The following RHBDF2 variants were observed in gnomAD, a reference collection of about 807,000 sequenced individuals.
The protein encoded by RHBDF2 is inactive rhomboid protein 2.
A neutral mutation model predicts 95.2 loss-of-function variants in RHBDF2; 38 were observed. That is an observed-to-expected ratio of 0.40 (90% CI 0.31 to 0.52). The LOEUF (loss-of-function observed/expected upper bound fraction) is 0.52. RHBDF2 is among the 20% of genes least tolerant of loss of function. The probability of loss-of-function intolerance (pLI) is 0.56; values close to 1 mark genes in which losing one functional copy is unlikely to be tolerated. For synonymous variants in RHBDF2, 442 were observed against 462.0 expected (o/e 0.96, Z 0.55); for missense variants, 863 against 1,137.7 (o/e 0.76, Z 3.47).
At position 76,474,296 on chromosome 17, in the gene RHBDF2, G is replaced by A. The variant is rs79790712; in HGVS notation, c.1464+77C>T. 1.1e-3 allele frequency: 1,723 copies of A among 1,524,086 alleles called. 19 individuals are homozygous for A. The African/African-American group carries it at 0.019, about 17-fold the overall frequency. The allele number at this position is 1,524,086 out of a possible 1,614,324, so 94.4% of individuals were successfully genotyped here. A position where few individuals can be genotyped will look rare whatever the true frequency, so the allele number is the denominator to read the frequency against. On this transcript the variant is annotated intron_variant, in intron 12 of 18. Transcript: ENST00000675367. ...GCGGGGAGGAGGGAACGTGGTCACT[G>A]CCCTTGAAGGACAGGGCAAGTGGAG... is the stretch of plus-strand genomic sequence containing the variant.
intron 3 of RHBDF2, 197 bp from the exon 4 acceptor site, chr17:76,480,051 G>GTGTA (rs1363176782): frequency 8.0e-4 from 32 of 39,900 alleles, no homozygotes; most frequent in Non-Finnish European, 1.3e-3. Context: ...GTTTGTATAT[G>GTGTA]TATATATATA....
chr17:76,474,157 A>G lies in RHBDF2; in HGVS notation c.1465-15T>C, dbSNP rs555264319. The G allele has an allele frequency of 2.4e-4, 378 of 1,547,946 alleles. No homozygotes were observed. Among genetic ancestry groups the G allele is most frequent in the Non-Finnish European group, 3.2e-4 (366 of 1,146,082 alleles). On this transcript the variant is annotated splice_polypyrimidine_tract_variant and intron_variant, in intron 12 of 18. Coordinates refer to ENST00000675367, the MANE Select transcript of RHBDF2 (RefSeq NM_001005498.4). The stretch of plus-strand genomic sequence containing the variant: ...GCCAAAGTCTCCTGGAGGGCAGAAG[A>G]AGGCTGGTGGGTCATGTCGGGGCCA...
chr17:76,481,344 G>C, intron 3 of RHBDF2, 31 bp downstream of exon 3: 1 of 1,595,494 alleles, frequency 6.3e-7, no homozygotes, highest in Non-Finnish European at 8.5e-7. Flanking sequence ...ACCTACGGCA[G>C]AACAGTGAGC....
chr17:76,473,597 G>A (rs111548723), intron 15 of RHBDF2, 51 bp downstream of exon 15: 59 of 1,473,448 alleles, frequency 4.0e-5, no homozygotes, highest in Non-Finnish European at 5.2e-5. Flanking sequence ...ACAGGAAGCC[G>A]CAGCTCGGGG....
At chr17:76,474,881 C>A in intron 10 of RHBDF2, 77 bp from the exon 11 acceptor site, 1 of 1,569,168 alleles carries the variant, frequency 6.4e-7, no homozygotes, top group East Asian at 2.3e-5. Flanking sequence ...CAGCTGTCCC[C>A]AGGATAGAGC....
intron 2 of RHBDF2, among the ~76,000 whole-genome samples, chr17:76,483,288 T>C (rs2144244739): frequency 6.6e-6 from 1 of 151,716 alleles, no homozygotes; most frequent in South Asian, 2.1e-4. Flanking sequence ...ACTTTTTTTC[T>C]TTTTTCTTTT....
chr17:76,471,176 G>A lies in RHBDF2; in HGVS notation c.*457C>T, dbSNP rs1323255204. 1 of 171,622 alleles carries A rather than the reference G, an allele frequency of 5.8e-6. No individual in the cohort carries two copies. Among genetic ancestry groups the A allele is most frequent in the East Asian group, 1.6e-4 (1 of 6,352 alleles). The allele number at this position is 171,622 out of a possible 1,614,324, so 10.6% of individuals were successfully genotyped here. Reference sequence around the variant, plus strand: ...TGGGCTCACAGGGCAGAGGTAGGAGGAGAAAGAGGAAGGGGCATGGTGGGC... The same window carrying A: ...TGGGCTCACAGGGCAGAGGTAGGAGAAGAAAGAGGAAGGGGCATGGTGGGC... On this transcript the variant is annotated 3_prime_UTR_variant, in exon 19 of 19. Transcript: ENST00000675367.
At chr17:76,491,371 G>C (rs1259375524) in intron 1 of RHBDF2, among the ~76,000 whole-genome samples, 1 of 152,182 alleles carries the variant, frequency 6.6e-6, no homozygotes, top group Non-Finnish European at 1.5e-5. Flanking sequence ...CCTGATGAGA[G>C]AGGCTCCCAA....
In RHBDF2 at chr17:76,474,038, G is replaced by A. The variant is rs769168266; in HGVS notation, c.1569C>T (p.Asp523=). Residue 523 remains aspartate, a synonymous_variant, in exon 13 of 19, where the codon GAC becomes GAT. Coordinates refer to ENST00000675367, the MANE Select transcript of RHBDF2 (RefSeq NM_001005498.4). ...KRTSGAVCHQ[D]PRTCEEPASS... is the part of the protein sequence containing the mutation. ...GCAGAGGCTCCAGGCCCTACCTGGG[G>A]TCCTGGTGGCAGACAGCCCCCGAAG... 2 of 1,612,840 alleles carry A rather than the reference G, an allele frequency of 1.2e-6. No homozygotes were observed. Among genetic ancestry groups the A allele is most frequent in the Non-Finnish European group, 1.7e-6 (2 of 1,179,560 alleles).
At chr17:76,498,652 G>C (rs1169538830) in intron 1 of RHBDF2, among the ~76,000 whole-genome samples, 1 of 152,234 alleles carries the variant, frequency 6.6e-6, no homozygotes, top group East Asian at 1.9e-4. Context: ...ATCCAGAGCT[G>C]AGGCCACAGG....
At position 76,470,988 on chromosome 17, in the gene RHBDF2, A is replaced by C. The variant is rs2073537833; in HGVS notation, c.*645T>G. 6.6e-6 allele frequency: 1 copy of C among 152,546 alleles called. No individual in the cohort carries two copies. Among genetic ancestry groups the C allele is most frequent in the Non-Finnish European group, 1.5e-5 (1 of 68,360 alleles). 9.4% of individuals were successfully genotyped at this position (152,546 alleles called of 1,614,324 possible). On this transcript the variant is annotated 3_prime_UTR_variant, in exon 19 of 19. Coordinates refer to ENST00000675367, the MANE Select transcript of RHBDF2 (RefSeq NM_001005498.4). ...GAAGACCGTGATATAAACTGGTAAAAAACGGGCCTGATGCGCCTCGAGCAC... is the reference window on the plus strand; with the variant it reads ...GAAGACCGTGATATAAACTGGTAAACAACGGGCCTGATGCGCCTCGAGCAC...
chr17:76,479,340 T>C, intron 4 of RHBDF2, 63 bp from the exon 5 acceptor site: 1 of 1,542,012 alleles, frequency 6.5e-7, no homozygotes, highest in South Asian at 1.2e-5. Flanking sequence ...CCTGAGTGTG[T>C]GGAAGGGGTG....
In RHBDF2 at chr17:76,474,709, TC is replaced by T. The variant is rs2073709457; in HGVS notation, c.1302+20del. On this transcript the variant is annotated intron_variant, in intron 11 of 18. Coordinates refer to ENST00000675367, the MANE Select transcript of RHBDF2 (RefSeq NM_001005498.4). ...ACAGGGACTCCTGGCTCAGATGATG[TC>T]CCCCAGCCTGGGCCCTCACCGAGCT... The T allele has an allele frequency of 6.2e-7, 1 of 1,613,902 alleles. No individual in the cohort carries two copies. The highest frequency in any genetic ancestry group is 8.5e-7 in the Non-Finnish European group (1 of 1,179,976).
Position 76,479,280 on chromosome 17 carries a change from G to C in RHBDF2, c.273-3C>G. 1 of 1,593,518 alleles carries C rather than the reference G, an allele frequency of 6.3e-7. No homozygotes were observed. The highest frequency in any genetic ancestry group is 8.5e-7 in the Non-Finnish European group (1 of 1,175,198). On this transcript the variant is annotated splice_polypyrimidine_tract_variant and splice_region_variant and intron_variant, in intron 4 of 18. Transcript: ENST00000675367. ...CTCCAAACCACTGGGCTGCGCCCCTGCGGAAGCAGACAAGGGACAGGTGGG... is the reference window on the plus strand; with the variant it reads ...CTCCAAACCACTGGGCTGCGCCCCTCCGGAAGCAGACAAGGGACAGGTGGG...
intron 1 of RHBDF2, among the ~76,000 whole-genome samples, chr17:76,492,550 G>A (rs1184990211): frequency 2.0e-5 from 3 of 152,250 alleles, no homozygotes; most frequent in South Asian, 4.1e-4. Flanking sequence ...GGGTCCCCCC[G>A]CCATGCGGAC....
chr17:76,498,841 T>C (rs1022361684), intron 1 of RHBDF2, among the ~76,000 whole-genome samples: 34 of 151,152 alleles, frequency 2.2e-4, no homozygotes, highest in Non-Finnish European at 4.3e-4. Context: ...TGTGTGTCTG[T>C]GTGTTTGTGT....
chr17:76,485,730 T>C (rs2074108685), intron 2 of RHBDF2, among the ~76,000 whole-genome samples: 2 of 152,152 alleles, frequency 1.3e-5, no homozygotes, highest in Non-Finnish European at 2.9e-5. Flanking sequence ...CGTCAGCAGA[T>C]GAAGGCACAA....
chr17:76,475,035 G>A lies in RHBDF2; in HGVS notation c.1222C>T (p.Gln408Ter). The change falls in exon 10 of 19, where the codon CAG becomes TAG. Residue 408 changes from glutamine to a stop codon, truncating the protein, a stop_gained. Transcript: ENST00000675367. LOFTEE classifies it high-confidence loss of function. ...PVGFAQHVTT[Q>*]LVLRNKGVYE... Reference sequence around the variant, plus strand: ...TGGAGCCTGACCCGACTCACCAGCTGGGTGGTGACGTGCTGGGCAAAGCCC... The same window carrying A: ...TGGAGCCTGACCCGACTCACCAGCTAGGTGGTGACGTGCTGGGCAAAGCCC... 5 of 1,581,612 alleles carry A rather than the reference G, an allele frequency of 3.2e-6. No homozygotes were observed. The highest frequency in any genetic ancestry group is 3.4e-6 in the Non-Finnish European group (4 of 1,163,560).
Position 76,474,897 on chromosome 17 carries a change from G to T in RHBDF2, c.1228-93C>A, listed in dbSNP as rs2073717457. The T allele has an allele frequency of 5.2e-6, 8 of 1,550,232 alleles. 1 individual carries two copies. In the South Asian group the frequency reaches 9.5e-5, roughly 18 times the overall value. ...AGCTGTCCCCAGGATAGAGCCTCCA[G>T]GAAGGGGCCAGGCTATGGTGAGCAC... is the stretch of plus-strand genomic sequence containing the variant. On this transcript the variant is annotated intron_variant, in intron 10 of 18. Coordinates refer to ENST00000675367, the MANE Select transcript of RHBDF2 (RefSeq NM_001005498.4).
Sources: gnomAD v4.1 joint callset for allele counts (sites outside exome capture counted in the v4.1 genomes callset) on GRCh38, gnomAD v4.1.1 for gene constraint, MANE v1.5 for transcripts, NCBI Gene and HGNC (gene_info 2026-07-23, HGNC 2026-07-21) for gene names.